The following ALCAM variants were observed in gnomAD, a reference collection of about 807,000 sequenced individuals.
ALCAM encodes the protein CD166 antigen.
A neutral mutation model predicts 70.9 loss-of-function variants in ALCAM; 30 were observed. The ratio of observed to expected loss-of-function variants is 0.42; its 90% confidence interval spans 0.32 to 0.57. ALCAM has a LOEUF of 0.57. Ranked by LOEUF, ALCAM falls within the 20% of genes least tolerant of loss-of-function variation. ALCAM has a pLI of 0.11. For synonymous variants in ALCAM, 249 were observed against 242.5 expected, an observed-to-expected ratio of 1.03 and a Z score of -0.25; for missense variants, 591 against 695.1, an observed-to-expected ratio of 0.85 and a Z score of 1.68.
rs142197351 is a variant in ALCAM at position 105,471,702 on chromosome 3, T to C, written c.74-48365T>C. Among the ~76,000 whole-genome samples, 665 of 151,522 alleles carry C rather than the reference T, an allele frequency of 4.4e-3. 3 individuals carry two copies. The highest frequency in any genetic ancestry group is 8.1e-3 in the Admixed American group (122 of 15,142). On this transcript the variant is annotated intron_variant, in intron 1 of 15. Transcript: ENST00000306107. ...GACATAAAATCATATGTATTTATCA[T>C]GTACATGATGTTTTGAAGTATATAT...
At chr3:105,468,067 C>G (rs1421426294) in intron 1 of ALCAM, among the ~76,000 whole-genome samples, 1 of 151,182 alleles carries the variant, frequency 6.6e-6, no homozygotes, top group East Asian at 1.9e-4. Flanking sequence ...GCAATAAAAT[C>G]ATAATTATAA....
At chr3:105,495,721 GCCATTTACTACCTATGGCTGC>G (rs1938718673) in intron 1 of ALCAM, among the ~76,000 whole-genome samples, 1 of 152,098 alleles carries the variant, frequency 6.6e-6, no homozygotes. Flanking sequence ...AGATCAAAGT[GCCATTTACTACCTATGGCTGC>G]AAATTAATGA....
intron 1 of ALCAM, among the ~76,000 whole-genome samples, chr3:105,398,177 C>A (rs1478523393): frequency 1.3e-5 from 2 of 152,048 alleles, no homozygotes; most frequent in Non-Finnish European, 2.9e-5. Context: ...TGTTGCCAGT[C>A]CTGGGACCAC....
intron 1 of ALCAM, among the ~76,000 whole-genome samples, chr3:105,416,453 G>A (rs1312041411): frequency 6.6e-6 from 1 of 151,890 alleles, no homozygotes; most frequent in Non-Finnish European, 1.5e-5. Context: ...GCATTGTTGT[G>A]AGAAAATTAT....
intron 14 of ALCAM, among the ~76,000 whole-genome samples, chr3:105,566,936 A>G (rs193221981): frequency 1.3e-4 from 20 of 152,238 alleles, no homozygotes; most frequent in African/African-American, 4.1e-4. Flanking sequence ...CCTTTAGGAA[A>G]GGTCTGCTGG....
chr3:105,393,522 A>C (rs1935875389), intron 1 of ALCAM, among the ~76,000 whole-genome samples: 1 of 151,882 alleles, frequency 6.6e-6, no homozygotes, highest in Non-Finnish European at 1.5e-5. Context: ...ATTTCTGGAG[A>C]AGTATTTCCT....
chr3:105,451,424 A>T (rs1937425008), intron 1 of ALCAM, among the ~76,000 whole-genome samples: 1 of 152,076 alleles, frequency 6.6e-6, no homozygotes, highest in Non-Finnish European at 1.5e-5. Flanking sequence ...AAGCACAAAG[A>T]CCCTCAGACC....
At chr3:105,527,393 A>G (rs1299291958) in intron 3 of ALCAM, among the ~76,000 whole-genome samples, 2 of 152,098 alleles carry the variant, frequency 1.3e-5, no homozygotes, top group Admixed American at 1.3e-4. Flanking sequence ...TGGGCAAGTC[A>G]CCTCACCAGT....
chr3:105,404,913 C>T (rs562710104), intron 1 of ALCAM, among the ~76,000 whole-genome samples: 28 of 152,076 alleles, frequency 1.8e-4, no homozygotes, highest in Non-Finnish European at 2.9e-5. Context: ...CGCAAATGGA[C>T]GCTAAAAGCA....
At chr3:105,504,289 A>G (rs992177550) in intron 1 of ALCAM, among the ~76,000 whole-genome samples, 3 of 152,296 alleles carry the variant, frequency 2.0e-5, no homozygotes, top group East Asian at 1.9e-4. Flanking sequence ...TTCGCCGTCT[A>G]TAGGCGGCTT....
chr3:105,548,934 CAT>C (rs1158691995), intron 11 of ALCAM, among the ~76,000 whole-genome samples: 1 of 151,146 alleles, frequency 6.6e-6, no homozygotes, highest in African/African-American at 2.4e-5. Flanking sequence ...GTAATACAGA[CAT>C]AGAAAACAGA....
In ALCAM at chr3:105,507,866, A is replaced by G. The variant is rs6781400; in HGVS notation, c.74-12201A>G. ...CTCAACCTTGCCATTTTAGTCATTC[A>G]GTACGTTTTTATTGGAGGTCTACTG... On this transcript the variant is annotated intron_variant, in intron 1 of 15. Transcript: ENST00000306107. Among the ~76,000 whole-genome samples, 1,352 of 152,258 alleles carry G rather than the reference A, an allele frequency of 8.9e-3. 13 individuals carry two copies. Among genetic ancestry groups the G allele is most frequent in the African/African-American group, 0.029 (1,222 of 41,558 alleles).
Position 105,561,996 on chromosome 3 carries a change from T to A in ALCAM, c.1664+9411T>A, listed in dbSNP as rs1940639499. ...ATAGGCATGATTAATTGGTTGAACT[T>A]AACCTCCAGCCTGTCTCCTCCTCAG... On this transcript the variant is annotated intron_variant, in intron 14 of 15. Transcript: ENST00000306107. Among the ~76,000 whole-genome samples the A allele has an allele frequency of 2.0e-5, 3 of 152,194 alleles. No homozygotes were observed. The South Asian group carries it at 6.2e-4, about 32-fold the overall frequency.
At chr3:105,484,942 T>A (rs1938382758) in intron 1 of ALCAM, among the ~76,000 whole-genome samples, 1 of 150,150 alleles carries the variant, frequency 6.7e-6, no homozygotes, top group African/African-American at 2.5e-5. Context: ...GGAAGAATTC[T>A]TTTTTTTTGG....
chr3:105,533,704 C>G lies in ALCAM; in HGVS notation c.547+14C>G. Reference sequence around the variant, plus strand: ...CCCTTGAAGGAGGTGGGTGTGAGGGCAGGAGGACAGGGAGTACATTCAGAG... The same window carrying G: ...CCCTTGAAGGAGGTGGGTGTGAGGGGAGGAGGACAGGGAGTACATTCAGAG... On this transcript the variant is annotated intron_variant, in intron 5 of 15. Transcript: ENST00000306107. The G allele has an allele frequency of 6.2e-7, 1 of 1,605,808 alleles. No individual in the cohort carries two copies. The highest frequency in any genetic ancestry group is 8.5e-7 in the Non-Finnish European group (1 of 1,173,638).
chr3:105,523,158 A>G (rs1278854335), intron 2 of ALCAM, among the ~76,000 whole-genome samples: 3 of 150,534 alleles, frequency 2.0e-5, no homozygotes, highest in African/African-American at 7.3e-5. Context: ...AAAAAAAAAA[A>G]AAAAAAAAGA....
At chr3:105,533,746 C>A in intron 5 of ALCAM, 56 bp downstream of exon 5, 1 of 1,528,976 alleles carries the variant, frequency 6.5e-7, no homozygotes, top group East Asian at 2.3e-5. Flanking sequence ...TTCTGACTTT[C>A]TTTGTTCTAG....
chr3:105,369,250 A>G (rs1203298180), intron 1 of ALCAM, among the ~76,000 whole-genome samples: 2 of 152,144 alleles, frequency 1.3e-5, no homozygotes, highest in Non-Finnish European at 2.9e-5. Context: ...CAGGCGGGCC[A>G]CGTCGCAGGA....
intron 14 of ALCAM, among the ~76,000 whole-genome samples, chr3:105,569,844 AT>A (rs916839834): frequency 3.3e-5 from 5 of 152,188 alleles, no homozygotes; most frequent in Non-Finnish European, 7.4e-5. Flanking sequence ...GAAAAGCTGG[AT>A]TTCTTTGCAT....
Sources: gnomAD v4.1 joint callset for allele counts (sites outside exome capture counted in the v4.1 genomes callset) on GRCh38, gnomAD v4.1.1 for gene constraint, MANE v1.5 for transcripts, NCBI Gene and HGNC (gene_info 2026-07-23, HGNC 2026-07-21) for gene names.